The following HDAC9 variants were observed in gnomAD, a reference collection of about 807,000 sequenced individuals.
The protein encoded by HDAC9 is histone deacetylase 9.
Under a neutral mutation model 139.4 loss-of-function variants are expected in HDAC9, and 41 were observed. The ratio of observed to expected loss-of-function variants is 0.29; its 90% CI spans 0.23 to 0.38. The LOEUF (loss-of-function observed/expected upper bound fraction) is 0.38, where lower values mean the gene tolerates loss of function less well. Among genes scored for constraint, HDAC9 ranks in the 10% least tolerant of loss-of-function variants. The probability of loss-of-function intolerance (pLI) is 1.00; values close to 1 mark genes in which losing one functional copy is unlikely to be tolerated. For missense variants in HDAC9, 1,147 were observed against 1,297.0 expected (o/e 0.88, Z 1.78); for synonymous variants, 517 against 476.2 (o/e 1.09, Z -1.12).
At chr7:18,168,893 TTTTTTG>T (rs1242255651) in intron 2 of HDAC9, among the ~76,000 whole-genome samples, 1 of 116,774 alleles carries the variant, frequency 8.6e-6, no homozygotes, top group South Asian at 3.1e-4. Flanking sequence ...TTTTTTTTTT[TTTTTTG>T]TGTGTGTGTG....
At chr7:18,669,142 G>A (rs1795504693) in intron 12 of HDAC9, among the ~76,000 whole-genome samples, 1 of 151,578 alleles carries the variant, frequency 6.6e-6, no homozygotes, top group Non-Finnish European at 1.5e-5. Context: ...AAATTAAAAT[G>A]TCAACTTCTA....
At chr7:18,548,563 A>G (rs2128648961) in intron 2 of HDAC9, among the ~76,000 whole-genome samples, 1 of 152,344 alleles carries the variant, frequency 6.6e-6, no homozygotes, top group African/African-American at 2.4e-5. Flanking sequence ...TGCTTTAATA[A>G]GTGTATGTGA....
intron 1 of HDAC9, among the ~76,000 whole-genome samples, chr7:18,463,907 G>T (rs909060238): frequency 3.3e-5 from 5 of 151,714 alleles, no homozygotes; most frequent in Non-Finnish European, 7.4e-5. Context: ...ATTCCACTGG[G>T]GGTATAGGAC....
chr7:18,374,425 A>G (rs1265229553), intron 1 of HDAC9, among the ~76,000 whole-genome samples: 5 of 152,038 alleles, frequency 3.3e-5, no homozygotes, highest in African/African-American at 4.8e-5. Flanking sequence ...TAGAGAGTAT[A>G]GCCTACTACA....
intron 2 of HDAC9, among the ~76,000 whole-genome samples, chr7:18,581,703 A>G (rs1827881976): frequency 6.6e-6 from 1 of 152,116 alleles, no homozygotes; most frequent in South Asian, 2.1e-4. Flanking sequence ...ATTAACTGCC[A>G]TTGCTTTTGG....
rs192068313 is a variant in HDAC9, at chr7:18,412,998, A to G, written c.-41-83264A>G. Among the ~76,000 whole-genome samples the G allele has an allele frequency of 1.8e-3, 280 of 152,324 alleles. 5 individuals carry two copies. The highest frequency in any genetic ancestry group is 6.5e-3 in the African/African-American group (272 of 41,592). On this transcript the variant is annotated intron_variant, in intron 1 of 3. Transcript: ENST00000413509. Reference sequence around the variant, plus strand: ...CCAGTCAAGGTTTTAAAATATGTCCATCTTTAGATTAACTAATTAAAAATG... The same window carrying G: ...CCAGTCAAGGTTTTAAAATATGTCCGTCTTTAGATTAACTAATTAAAAATG...
chr7:18,950,183 C>G (rs1782694814), intron 23 of HDAC9, among the ~76,000 whole-genome samples: 1 of 152,008 alleles, frequency 6.6e-6, no homozygotes, highest in African/African-American at 2.4e-5. Flanking sequence ...TTCTTCCGCT[C>G]AATTGGAAGC....
At chr7:18,735,985 T>A (rs889159120) in intron 13 of HDAC9, among the ~76,000 whole-genome samples, 2 of 152,210 alleles carry the variant, frequency 1.3e-5, no homozygotes, top group Admixed American at 1.3e-4. Flanking sequence ...TATTTTATTC[T>A]CTTTGTAGTA....
intron 2 of HDAC9, among the ~76,000 whole-genome samples, chr7:18,543,882 T>C (rs1813816521): frequency 2.7e-5 from 4 of 148,548 alleles, no homozygotes; most frequent in Admixed American, 2.7e-4. Flanking sequence ...TCAGTGTATT[T>C]TAGGAAAAAA....
chr7:18,762,668 A>G (rs1047161693), intron 15 of HDAC9, among the ~76,000 whole-genome samples: 1 of 152,100 alleles, frequency 6.6e-6, no homozygotes, highest in Non-Finnish European at 1.5e-5. Context: ...TCTTTGTTCT[A>G]TGACCTTAAG....
chr7:18,336,566 G>T (rs939765199), intron 1 of HDAC9, among the ~76,000 whole-genome samples: 1 of 151,492 alleles, frequency 6.6e-6, no homozygotes, highest in Admixed American at 6.6e-5. Context: ...TAGAAATTTG[G>T]CTGCAATCCT....
intron 1 of HDAC9, among the ~76,000 whole-genome samples, chr7:18,484,903 T>A (rs1413511048): frequency 1.1e-4 from 17 of 151,954 alleles, no homozygotes; most frequent in Admixed American, 1.1e-3. Flanking sequence ...TCTAGGGTTT[T>A]GAATTTAAAA....
chr7:18,282,184 A>G (rs760502882), intron 2 of HDAC9, among the ~76,000 whole-genome samples: 8 of 152,178 alleles, frequency 5.3e-5, no homozygotes, highest in Non-Finnish European at 1.0e-4. Flanking sequence ...AGTTACAGTA[A>G]TTGTATTTAC....
chr7:18,346,624 A>AT (rs1782435780), intron 1 of HDAC9, among the ~76,000 whole-genome samples: 1 of 152,136 alleles, frequency 6.6e-6, no homozygotes, highest in Admixed American at 6.6e-5. Context: ...AGGAAATAGT[A>AT]TTTTTAGTAA....
intron 21 of HDAC9, among the ~76,000 whole-genome samples, chr7:18,865,759 T>C (rs1798444949): frequency 6.6e-6 from 1 of 152,046 alleles, no homozygotes; most frequent in African/African-American, 2.4e-5. Context: ...GGTGAATGCA[T>C]GAAAAAATGT....
intron 2 of HDAC9, among the ~76,000 whole-genome samples, chr7:18,529,148 A>G (rs1041759662): frequency 2.0e-5 from 3 of 152,182 alleles, no homozygotes; most frequent in Non-Finnish European, 4.4e-5. Context: ...AGCCAAGAAG[A>G]AAATTAAAAA....
At chr7:18,285,625 A>G (rs1175375734), upstream of HDAC9, among the ~76,000 whole-genome samples, 2 of 152,052 alleles carry the variant, frequency 1.3e-5, no homozygotes, top group African/African-American at 2.4e-5. Context: ...GTCATTATCT[A>G]TTAGCATCAA....
chr7:18,646,555 G>A (rs2023652), intron 9 of HDAC9, among the ~76,000 whole-genome samples: 1 of 152,128 alleles, frequency 6.6e-6, no homozygotes, highest in African/African-American at 2.4e-5. Flanking sequence ...GCCAGGACAA[G>A]GAATCACTTC....
At chr7:18,120,534 C>T (rs950469861) in intron 1 of HDAC9, among the ~76,000 whole-genome samples, 6 of 151,528 alleles carry the variant, frequency 4.0e-5, no homozygotes, top group African/African-American at 9.7e-5. Context: ...TCTTCATCCT[C>T]GTTTCTTCAT....
Sources: allele counts gnomAD v4.1 joint callset (sites outside exome capture counted in the v4.1 genomes callset), GRCh38; gene constraint gnomAD v4.1.1; transcripts MANE v1.5; gene names NCBI Gene and HGNC (gene_info 2026-07-23, HGNC 2026-07-21).